MGAM2: variants seen among roughly 807,000 people sequenced by gnomAD.
MGAM2 encodes the protein probable maltase-glucoamylase 2.
Under a neutral mutation model 96.1 loss-of-function variants are expected in MGAM2, and 98 were observed. That is an observed-to-expected ratio of 1.02 (90% CI 0.87 to 1.21). The LOEUF is 1.21. MGAM2 is among the 50% of genes most tolerant of loss of function. The probability of loss-of-function intolerance (pLI) is 0.00; values close to 1 mark genes in which losing one functional copy is unlikely to be tolerated. For missense variants in MGAM2, 2,055 were observed against 1,182.4 expected, an observed-to-expected ratio of 1.74 and a Z score of -10.82; for synonymous variants, 749 against 414.8, an observed-to-expected ratio of 1.81 and a Z score of -9.79.
At chr7:142,121,209 A>C (rs1477528667) in intron 3 of MGAM2, among the ~76,000 whole-genome samples, 1 of 151,978 alleles carries the variant, frequency 6.6e-6, no homozygotes, top group Non-Finnish European at 1.5e-5. Context: ...ACAGAGTCTC[A>C]CCTTGTCTCC....
At chr7:142,162,036 A>G in intron 23 of MGAM2, 32 bp downstream of exon 23, 2 of 676,330 alleles carry the variant, frequency 3.0e-6, no homozygotes, top group Non-Finnish European at 5.3e-6. Context: ...CACACAGCAT[A>G]TGTTCCTTGC....
chr7:142,201,986 CAATT>C, intron 45 of MGAM2, among the ~76,000 whole-genome samples: 1 of 10,710 alleles, frequency 9.3e-5, no homozygotes. Flanking sequence ...GAATAAAAAG[CAATT>C]AAAGCAATTA....
Position 142,116,997 on chromosome 7 carries a change from A to G in MGAM2, c.106+18A>G. 1.4e-6 allele frequency: 1 copy of G among 703,024 alleles called. No homozygotes were observed. The highest frequency in any genetic ancestry group is 2.6e-6 in the Non-Finnish European group (1 of 384,960). The allele number at this position is 703,024 out of a possible 1,614,324, so 43.5% of individuals were successfully genotyped here. A position where few individuals can be genotyped will look rare whatever the true frequency, so the allele number is the denominator to read the frequency against. On this transcript the variant is annotated intron_variant, in intron 2 of 47. Transcript: ENST00000477922. ...AACTTCAGGTAAGGGAGATGCTTGT[A>G]GGTTGGAAGGCTGGGTAAAGGAAGT...
Position 142,220,336 on chromosome 7 carries a change from CAT to C in MGAM2, c.5826_5827del (p.Cys1943PhefsTer11), listed in dbSNP as rs1563303318. 6 of 702,656 alleles carry C rather than the reference CAT, an allele frequency of 8.5e-6. No individual in the cohort carries two copies. Among genetic ancestry groups the C allele is most frequent in the Non-Finnish European group, 1.3e-5 (5 of 384,892 alleles). 43.5% of individuals were successfully genotyped at this position (702,656 alleles called of 1,614,324 possible). On this transcript the variant is annotated frameshift_variant, in exon 48 of 48. Coordinates refer to ENST00000477922, the MANE Select transcript of MGAM2 (RefSeq NM_001293626.2). LOFTEE classifies it low-confidence loss of function (END_TRUNC). ...AATGCTACTGTTCCTATCACAACCACATGTTTTGCAACAAGTACTATTGGTGT... is the reference window on the plus strand; with the variant it reads ...AATGCTACTGTTCCTATCACAACCACGTTTTGCAACAAGTACTATTGGTGT...
At chr7:142,204,109 A>G (rs1263844910) in intron 45 of MGAM2, among the ~76,000 whole-genome samples, 2 of 151,712 alleles carry the variant, frequency 1.3e-5, no homozygotes, top group Non-Finnish European at 2.9e-5. Flanking sequence ...CTACTTATCT[A>G]CCTATCTAGC....
chr7:142,164,809 G>T (rs2129087773), intron 23 of MGAM2, 47 bp from the exon 24 acceptor site: 1 of 641,680 alleles, frequency 1.6e-6, no homozygotes, highest in Admixed American at 2.4e-5. Flanking sequence ...GGATAATAAG[G>T]GTCTGAAGTA....
chr7:142,132,624 A>G (rs1794927429), intron 6 of MGAM2, among the ~76,000 whole-genome samples: 1 of 128,576 alleles, frequency 7.8e-6, no homozygotes, highest in Non-Finnish European at 1.5e-5. Context: ...ATTTAAAATT[A>G]AATTATAAAA....
chr7:142,194,011 C>T (rs373970444), intron 37 of MGAM2, among the ~76,000 whole-genome samples: 37 of 151,064 alleles, frequency 2.4e-4, no homozygotes, highest in Admixed American at 1.3e-3. Flanking sequence ...TAAACCTGTC[C>T]TCCTGCAGTC....
At chr7:142,189,550 A>G in intron 37 of MGAM2, 45 bp downstream of exon 37, 1 of 645,292 alleles carries the variant, frequency 1.5e-6, no homozygotes, top group Non-Finnish European at 2.8e-6. Flanking sequence ...TTTCCACATC[A>G]TTCCTTTTGC....
At chr7:142,119,737 C>T (rs549087512) in intron 2 of MGAM2, among the ~76,000 whole-genome samples, 1 of 152,330 alleles carries the variant, frequency 6.6e-6, no homozygotes, top group East Asian at 1.9e-4. Context: ...CAATGAAGCA[C>T]TGATACATAC....
intron 25 of MGAM2, 98 bp downstream of exon 25, chr7:142,166,351 C>T: frequency 1.8e-6 from 1 of 568,332 alleles, no homozygotes; most frequent in Non-Finnish European, 3.1e-6. Flanking sequence ...AACCAGGACC[C>T]TGTGCAACAC....
intron 1 of MGAM2, among the ~76,000 whole-genome samples, chr7:142,114,214 G>GAAAGAAAGAA (rs1365981658): frequency 2.3e-5 from 3 of 129,270 alleles, no homozygotes; most frequent in Admixed American, 7.8e-5. Context: ...AAGAAAGAAA[G>GAAAGAAAGAA]AGAGAAAGAA....
rs1360720631 is a variant in MGAM2, at chr7:142,196,753, T to C, written c.4569T>C (p.Val1523=). The part of the protein sequence containing the change: ...FFGDAEYEMC[V]RWMQLGAFYP... The stretch of plus-strand genomic sequence containing the variant: ...GAGATGCTGAATATGAGATGTGTGT[T>C]CGCTGGATGCAACTGGGGGCATTTT... The change falls in exon 40 of 48, where the codon GTT becomes GTC. Residue 1523 remains valine, a synonymous_variant. Coordinates refer to ENST00000477922, the MANE Select transcript of MGAM2 (RefSeq NM_001293626.2). The C allele has an allele frequency of 2.5e-6, 2 of 790,984 alleles. No homozygotes were observed. Among genetic ancestry groups the C allele is most frequent in the African/African-American group, 3.4e-5 (2 of 59,340 alleles). 49.0% of individuals were successfully genotyped at this position (790,984 alleles called of 1,614,324 possible). A position where few individuals can be genotyped will look rare whatever the true frequency, so the allele number is the denominator to read the frequency against.
chr7:142,194,738 T>A (rs1796978741), intron 37 of MGAM2, among the ~76,000 whole-genome samples: 1 of 146,094 alleles, frequency 6.8e-6, no homozygotes, highest in Non-Finnish European at 1.5e-5. Flanking sequence ...GTATTTCCAT[T>A]CATTTTTGGA....
chr7:142,135,104 A>C (rs761039033), intron 7 of MGAM2, among the ~76,000 whole-genome samples: 12 of 151,942 alleles, frequency 7.9e-5, no homozygotes, highest in Non-Finnish European at 1.8e-4. Context: ...CCATGCAAGA[A>C]CTGCAAGTTG....
chr7:142,196,772 G>A lies in MGAM2; in HGVS notation c.4588G>A (p.Ala1530Thr), dbSNP rs759580316. 3 of 786,110 alleles carry A rather than the reference G, an allele frequency of 3.8e-6. No homozygotes were observed. The highest frequency in any genetic ancestry group is 3.4e-5 in the African/African-American group (2 of 59,234). The allele number at this position is 786,110 out of a possible 1,614,324, so 48.7% of individuals were successfully genotyped here. A position where few individuals can be genotyped will look rare whatever the true frequency, so the allele number is the denominator to read the frequency against. Reference sequence around the variant, plus strand: ...GTGTGTTCGCTGGATGCAACTGGGGGCATTTTATCCATTTTCCAGAAACCA... The same window carrying A: ...GTGTGTTCGCTGGATGCAACTGGGGACATTTTATCCATTTTCCAGAAACCA... ...EMCVRWMQLG[A>T]FYPFSRNHNN... is the part of the protein sequence containing the mutation. Residue 1530 changes from alanine to threonine, a missense_variant, in exon 40 of 48, where the codon GCA becomes ACA. By Grantham distance (58) the Ala-to-Thr change is moderately conservative. Transcript: ENST00000477922.
At position 142,220,636 on chromosome 7, in the gene MGAM2, C is replaced by G. The variant is rs1196810659; in HGVS notation, c.6125C>G (p.Thr2042Ser). Residue 2042 changes from threonine to serine, a missense_variant, in exon 48 of 48, where the codon ACT becomes AGT. By Grantham distance (58) the Thr-to-Ser change is moderately conservative. Transcript: ENST00000477922. ...VTTGTTVPDT[T>S]APFPTSTTST... The stretch of plus-strand genomic sequence containing the variant: ...ACTGGTACTACTGTTCCTGATACAA[C>G]TGCTCCTTTCCCTACAAGTACTACT... The G allele has an allele frequency of 2.8e-6, 2 of 702,252 alleles. No individual in the cohort carries two copies. Among genetic ancestry groups the G allele is most frequent in the African/African-American group, 3.5e-5 (2 of 57,142 alleles). 43.5% of individuals were successfully genotyped at this position (702,252 alleles called of 1,614,324 possible).
Position 142,113,509 on chromosome 7 carries a change from T to C in MGAM2, c.-1+1702T>C, listed in dbSNP as rs1191113097. ...TGAGAACTAACAGAATGAGAGGAAT[T>C]AAAAAAAGATTCCTAGGTTTTTTTT... On this transcript the variant is annotated intron_variant, in intron 1 of 47. Transcript: ENST00000477922. Among the ~76,000 whole-genome samples, 3 of 149,204 alleles carry C rather than the reference T, an allele frequency of 2.0e-5. No individual in the cohort carries two copies. In the Admixed American group the frequency reaches 2.0e-4, roughly 10 times the overall value.
intron 5 of MGAM2, 84 bp from the exon 6 acceptor site, chr7:142,131,847 A>C: frequency 1.6e-6 from 1 of 627,936 alleles, no homozygotes. Context: ...ATGGGGTGTC[A>C]TTTGAGATGG....
Sources: gnomAD v4.1 joint callset for allele counts (sites outside exome capture counted in the v4.1 genomes callset) on GRCh38, gnomAD v4.1.1 for gene constraint, MANE v1.5 for transcripts, NCBI Gene and HGNC (gene_info 2026-07-23, HGNC 2026-07-21) for gene names.